The following SCHIP1 variants were observed in gnomAD, a reference collection of about 807,000 sequenced individuals.
The protein encoded by SCHIP1 is schwannomin interacting protein 1, also known as schwannomin-interacting protein 1.
SCHIP1 carries 8 observed loss-of-function variants against 29.7 expected under a neutral mutation model. That is an observed-to-expected ratio of 0.27 (90% CI 0.16 to 0.49). The LOEUF (loss-of-function observed/expected upper bound fraction) is 0.49, where lower values mean the gene tolerates loss of function less well. Ranked by LOEUF, SCHIP1 falls within the 20% of genes least tolerant of loss-of-function variation. The probability of loss-of-function intolerance (pLI) is 0.99; values close to 1 mark genes in which losing one functional copy is unlikely to be tolerated. For missense variants in SCHIP1, 193 were observed against 294.6 expected, an observed-to-expected ratio of 0.66 and a Z score of 2.52; for synonymous variants, 76 against 94.9, an observed-to-expected ratio of 0.80 and a Z score of 1.16.
the SCHIP1 span, among the ~76,000 whole-genome samples, chr3:159,736,644 G>C: frequency 6.6e-6 from 1 of 152,092 alleles, no homozygotes; most frequent in Admixed American, 6.5e-5. Context: ...TTCCAAGGGA[G>C]AGAGACTGAA....
upstream of SCHIP1, among the ~76,000 whole-genome samples, chr3:159,838,138 A>G (rs1743853802): frequency 6.6e-6 from 1 of 152,234 alleles, no homozygotes; most frequent in Admixed American, 6.5e-5. Context: ...AGGAAGGCTG[A>G]AATGAGTGTG....
chr3:159,844,172 CTG>C (rs1443791565), intron 1 of SCHIP1, among the ~76,000 whole-genome samples: 1 of 152,200 alleles, frequency 6.6e-6, no homozygotes, highest in Non-Finnish European at 1.5e-5. Context: ...CCCAGGGAAA[CTG>C]TGTCTCACTT....
chr3:159,812,041 G>A, the SCHIP1 span, among the ~76,000 whole-genome samples: 4 of 146,494 alleles, frequency 2.7e-5, no homozygotes, highest in Non-Finnish European at 6.0e-5. Context: ...GTGTGATCTC[G>A]GCTCACTGTA....
intron 1 of SCHIP1, among the ~76,000 whole-genome samples, chr3:159,858,926 C>T (rs899874765): frequency 3.3e-5 from 5 of 152,184 alleles, no homozygotes; most frequent in South Asian, 2.1e-4. Flanking sequence ...AACAGCATTT[C>T]GGGAAACCTG....
At chr3:159,466,907 G>A in the SCHIP1 span, among the ~76,000 whole-genome samples, 1 of 151,632 alleles carries the variant, frequency 6.6e-6, no homozygotes, top group East Asian at 1.9e-4. Flanking sequence ...ATTTCTTCTG[G>A]GTCTCCTTTG....
chr3:159,636,841 T>TA, the SCHIP1 span, among the ~76,000 whole-genome samples: 1 of 152,202 alleles, frequency 6.6e-6, no homozygotes, highest in Admixed American at 6.5e-5. Flanking sequence ...TGTAAGATGA[T>TA]AGAAATAGAC....
the SCHIP1 span, among the ~76,000 whole-genome samples, chr3:159,651,994 G>A: frequency 6.6e-6 from 1 of 152,004 alleles, no homozygotes; most frequent in Admixed American, 6.6e-5. Context: ...TATTGGGGAG[G>A]CTGAGGCGGG....
chr3:159,442,346 A>C, the SCHIP1 span, among the ~76,000 whole-genome samples: 608 of 152,292 alleles, frequency 4.0e-3, 1 homozygote, highest in African/African-American at 0.014. Flanking sequence ...GGTCCCCAGC[A>C]GGAAGAGTCT....
At chr3:159,552,210 T>C in the SCHIP1 span, among the ~76,000 whole-genome samples, 3 of 151,792 alleles carry the variant, frequency 2.0e-5, no homozygotes, top group Non-Finnish European at 4.4e-5. Context: ...CACGTCTAGC[T>C]GGTTTTTGTA....
chr3:159,660,636 G>A, the SCHIP1 span, among the ~76,000 whole-genome samples: 10 of 152,214 alleles, frequency 6.6e-5, 1 homozygote, highest in East Asian at 3.9e-4. Context: ...AAAAAACTAC[G>A]ATGAGTGTGC....
the SCHIP1 span, among the ~76,000 whole-genome samples, chr3:159,834,648 T>C: frequency 6.6e-6 from 1 of 152,198 alleles, no homozygotes; most frequent in African/African-American, 2.4e-5. Flanking sequence ...ATCTAAAATC[T>C]GAAATGCTGC....
the SCHIP1 span, among the ~76,000 whole-genome samples, chr3:159,728,692 G>A: frequency 6.6e-6 from 1 of 152,192 alleles, no homozygotes; most frequent in Non-Finnish European, 1.5e-5. Flanking sequence ...GTCACTTGCA[G>A]TAGTAGCAGC....
the SCHIP1 span, among the ~76,000 whole-genome samples, chr3:159,416,277 G>C: frequency 6.6e-6 from 1 of 152,080 alleles, no homozygotes; most frequent in Non-Finnish European, 1.5e-5. Flanking sequence ...CCCTGACTAC[G>C]CATCTTAGGT....
the SCHIP1 span, among the ~76,000 whole-genome samples, chr3:159,374,060 C>A: frequency 6.6e-6 from 1 of 152,066 alleles, no homozygotes; most frequent in Non-Finnish European, 1.5e-5. Flanking sequence ...AATTTTGTTA[C>A]TCTTCTAAAT....
chr3:159,840,106 C>T (rs1487445615), exon 1 of SCHIP1: 5 of 1,528,970 alleles, frequency 3.3e-6, no homozygotes, highest in South Asian at 1.2e-5. Flanking sequence ...CTCCGCCCGC[C>T]GGTGGATGCT....
chr3:159,719,642 C>T, the SCHIP1 span, among the ~76,000 whole-genome samples: 1 of 152,200 alleles, frequency 6.6e-6, no homozygotes, highest in Non-Finnish European at 1.5e-5. Flanking sequence ...AAATGCTCAT[C>T]ATCACTGGCC....
chr3:159,473,981 C>T, the SCHIP1 span, among the ~76,000 whole-genome samples: 1 of 152,016 alleles, frequency 6.6e-6, no homozygotes, highest in Admixed American at 6.6e-5. Context: ...GATAGTTTTT[C>T]ATTCCAAAAT....
the SCHIP1 span, among the ~76,000 whole-genome samples, chr3:159,636,634 A>C: frequency 6.6e-6 from 1 of 152,240 alleles, no homozygotes; most frequent in Non-Finnish European, 1.5e-5. Flanking sequence ...AGGCATCTAC[A>C]ATGTGCCAAC....
At chr3:159,392,605 T>G in the SCHIP1 span, among the ~76,000 whole-genome samples, 2 of 152,072 alleles carry the variant, frequency 1.3e-5, no homozygotes, top group East Asian at 3.9e-4. Flanking sequence ...GAATGATGAT[T>G]TCCAATTTCA....
Sources: allele counts gnomAD v4.1 joint callset (sites outside exome capture counted in the v4.1 genomes callset), GRCh38; gene constraint gnomAD v4.1.1; transcripts MANE v1.5; gene names NCBI Gene and HGNC (gene_info 2026-07-23, HGNC 2026-07-21).